RRAS2: variants seen among roughly 807,000 people sequenced by gnomAD.
RRAS2 encodes RAS related 2, also known as ras-related protein R-Ras2.
A neutral mutation model predicts 27.6 loss-of-function variants in RRAS2; 7 were observed. The ratio of observed to expected loss-of-function variants is 0.25; its 90% CI spans 0.14 to 0.48. The LOEUF (loss-of-function observed/expected upper bound fraction) is 0.48. RRAS2 is among the 20% of genes least tolerant of loss of function. RRAS2 has a pLI of 0.99. For synonymous variants in RRAS2, 86 were observed against 90.9 expected, an observed-to-expected ratio of 0.95 and a Z score of 0.31; for missense variants, 178 against 256.2, an observed-to-expected ratio of 0.69 and a Z score of 2.08.
At chr11:14,283,882 T>TG (rs1849603683) in intron 4 of RRAS2, among the ~76,000 whole-genome samples, 1 of 152,038 alleles carries the variant, frequency 6.6e-6, no homozygotes, top group South Asian at 2.1e-4. Flanking sequence ...TTGGTAGAGG[T>TG]GGGGTCTCAC....
intron 4 of RRAS2, among the ~76,000 whole-genome samples, chr11:14,285,951 T>C (rs1026499615): frequency 6.6e-6 from 1 of 152,196 alleles, no homozygotes; most frequent in Non-Finnish European, 1.5e-5. Flanking sequence ...TCCGGGTTTG[T>C]TGAGCTTCTT....
rs933030236 is a variant in RRAS2, at chr11:14,359,140, C to G, written c.-270G>C. On this transcript the variant is annotated 5_prime_UTR_variant, in exon 1 of 6. Transcript: ENST00000256196. ...CGCGCTCCTCTACGCGTCTCCGCAGCGCCTGCCGAACGCAGCCTCCAGCGC... is the reference window on the plus strand; with the variant it reads ...CGCGCTCCTCTACGCGTCTCCGCAGGGCCTGCCGAACGCAGCCTCCAGCGC... 94 of 1,031,094 alleles carry G rather than the reference C, an allele frequency of 9.1e-5. No individual in the cohort carries two copies. The highest frequency in any genetic ancestry group is 1.1e-4 in the Non-Finnish European group (91 of 860,530). 63.9% of individuals were successfully genotyped at this position (1,031,094 alleles called of 1,614,324 possible). A position where few individuals can be genotyped will look rare whatever the true frequency, so the allele number is the denominator to read the frequency against.
chr11:14,309,050 C>A (rs964794310), intron 1 of RRAS2, among the ~76,000 whole-genome samples: 2 of 152,132 alleles, frequency 1.3e-5, no homozygotes, highest in Admixed American at 6.6e-5. Flanking sequence ...TTTTCCTTTC[C>A]AAACTTAGAA....
In RRAS2 at chr11:14,359,121, C is replaced by T. The variant is rs1423734719; in HGVS notation, c.-251G>A. ...GGCGGCAGCGGCCGGGGGGCGCGCTCCTCTACGCGTCTCCGCAGCGCCTGC... is the reference window on the plus strand; with the variant it reads ...GGCGGCAGCGGCCGGGGGGCGCGCTTCTCTACGCGTCTCCGCAGCGCCTGC... On this transcript the variant is annotated 5_prime_UTR_variant, in exon 1 of 6. Coordinates refer to ENST00000256196, the MANE Select transcript of RRAS2 (RefSeq NM_012250.6). The T allele has an allele frequency of 9.5e-7, 1 of 1,049,340 alleles. No homozygotes were observed. The highest frequency in any genetic ancestry group is 1.1e-6 in the Non-Finnish European group (1 of 872,478). 65.0% of individuals were successfully genotyped at this position (1,049,340 alleles called of 1,614,324 possible). A position where few individuals can be genotyped will look rare whatever the true frequency, so the allele number is the denominator to read the frequency against.
intron 1 of RRAS2, among the ~76,000 whole-genome samples, chr11:14,300,456 A>G (rs899022829): frequency 1.8e-4 from 27 of 152,188 alleles, no homozygotes; most frequent in African/African-American, 6.3e-4. Context: ...AGTCCCAGCT[A>G]CTCAGGAGGC....
At chr11:14,343,791 G>T (rs564338483) in intron 1 of RRAS2, among the ~76,000 whole-genome samples, 1 of 151,916 alleles carries the variant, frequency 6.6e-6, no homozygotes, top group Non-Finnish European at 1.5e-5. Flanking sequence ...CCGAGATCGC[G>T]CCAATGCACT....
chr11:14,346,939 G>C lies in RRAS2; in HGVS notation c.108+11824C>G, dbSNP rs193133238. Among the ~76,000 whole-genome samples the C allele has an allele frequency of 9.3e-4, 141 of 152,290 alleles. 2 individuals carry two copies. Among genetic ancestry groups the C allele is most frequent in the Admixed American group, 1.6e-3 (24 of 15,288 alleles). Reference sequence around the variant, plus strand: ...GGAGGCCAAGGTGGGAGGATTGCTTGAGGCCAGGAGTTTAAGACTAGCTTG... The same window carrying C: ...GGAGGCCAAGGTGGGAGGATTGCTTCAGGCCAGGAGTTTAAGACTAGCTTG... On this transcript the variant is annotated intron_variant, in intron 1 of 5. Transcript: ENST00000256196.
intron 4 of RRAS2, among the ~76,000 whole-genome samples, chr11:14,293,114 AAACAAAACAAAT>A (rs1169114333): frequency 1.1e-5 from 1 of 89,320 alleles, no homozygotes; most frequent in African/African-American, 4.4e-5. Flanking sequence ...TCTCAAAACA[AAACAAAACAAAT>A]ATATATATAT....
chr11:14,316,168 A>G (rs1410110826), intron 1 of RRAS2, among the ~76,000 whole-genome samples: 1 of 152,240 alleles, frequency 6.6e-6, no homozygotes, highest in African/African-American at 2.4e-5. Context: ...CCTCATTTAC[A>G]TAATGGAAAG....
At position 14,279,196 on chromosome 11, in the gene RRAS2, G is replaced by A. The variant is rs186903914; in HGVS notation, c.*141C>T. ...GACCATTGTATTAGCTTCACAGAAA[G>A]GACTAGCCAGCTTCTTCGTCTAAGG... On this transcript the variant is annotated 3_prime_UTR_variant, in exon 6 of 6. Transcript: ENST00000256196. 2.9e-3 allele frequency: 1,859 copies of A among 648,900 alleles called. 6 individuals carry two copies. Among genetic ancestry groups the A allele is most frequent in the Non-Finnish European group, 3.2e-3 (1,144 of 361,240 alleles). The allele number at this position is 648,900 out of a possible 1,614,324, so 40.2% of individuals were successfully genotyped here. A position where few individuals can be genotyped will look rare whatever the true frequency, so the allele number is the denominator to read the frequency against.
chr11:14,306,763 A>G (rs1354808222), intron 1 of RRAS2, among the ~76,000 whole-genome samples: 1 of 151,954 alleles, frequency 6.6e-6, no homozygotes, highest in Non-Finnish European at 1.5e-5. Context: ...AGCTTTTCCT[A>G]TCACACTGAG....
At chr11:14,347,919 C>CA (rs1226896124) in intron 1 of RRAS2, among the ~76,000 whole-genome samples, 1 of 150,056 alleles carries the variant, frequency 6.7e-6, no homozygotes, top group African/African-American at 2.5e-5. Flanking sequence ...CAGAAAAAAA[C>CA]AAAAACAGTT....
chr11:14,321,564 T>C (rs1848223435), intron 1 of RRAS2, among the ~76,000 whole-genome samples: 1 of 152,162 alleles, frequency 6.6e-6, no homozygotes, highest in Non-Finnish European at 1.5e-5. Context: ...TAAGACCACT[T>C]TAGCCTACCT....
chr11:14,288,446 A>G (rs2133952381), intron 4 of RRAS2, among the ~76,000 whole-genome samples: 2 of 152,396 alleles, frequency 1.3e-5, no homozygotes, highest in Admixed American at 1.3e-4. Flanking sequence ...AAAGCAAACA[A>G]TAAAAGACAA....
At chr11:14,301,858 A>G (rs1847715079) in intron 1 of RRAS2, among the ~76,000 whole-genome samples, 1 of 152,128 alleles carries the variant, frequency 6.6e-6, no homozygotes, top group African/African-American at 2.4e-5. Context: ...GGGCACCTGT[A>G]GTCCCAGCTA....
intron 1 of RRAS2, among the ~76,000 whole-genome samples, chr11:14,315,694 T>C (rs1214485452): frequency 6.6e-6 from 1 of 152,208 alleles, no homozygotes; most frequent in Non-Finnish European, 1.5e-5. Context: ...CTATACTATC[T>C]TCTCAGGTTT....
chr11:14,362,395 A>G (rs1348059078), upstream of RRAS2, among the ~76,000 whole-genome samples: 1 of 148,116 alleles, frequency 6.8e-6, no homozygotes, highest in Admixed American at 6.6e-5. Flanking sequence ...AGAAGTCCAT[A>G]TGCTCAACCC....
chr11:14,357,148 T>C (rs1020684716), intron 1 of RRAS2, among the ~76,000 whole-genome samples: 1 of 152,064 alleles, frequency 6.6e-6, no homozygotes, highest in Non-Finnish European at 1.5e-5. Context: ...GCCCAACACC[T>C]TAATTAATTA....
upstream of RRAS2, among the ~76,000 whole-genome samples, chr11:14,361,476 C>T (rs1321829203): frequency 1.3e-5 from 2 of 152,132 alleles, no homozygotes; most frequent in African/African-American, 4.8e-5. Flanking sequence ...TTTCAGTGAG[C>T]CGAGCTCGGG....
Sources: gnomAD v4.1 joint callset for allele counts (sites outside exome capture counted in the v4.1 genomes callset) on GRCh38, gnomAD v4.1.1 for gene constraint, MANE v1.5 for transcripts, NCBI Gene and HGNC (gene_info 2026-07-23, HGNC 2026-07-21) for gene names.